FEM1A: variants seen among roughly 807,000 people sequenced by gnomAD.
FEM1A encodes the protein fem-1 homolog A, also known as protein fem-1 homolog A.
In FEM1A, 1 loss-of-function variant was observed where a neutral mutation model predicts 0.7. That is an observed-to-expected ratio of 1.35 (90% CI 0.48 to 6.40). The LOEUF (loss-of-function observed/expected upper bound fraction) is 6.40, where lower values mean the gene tolerates loss of function less well. Ranked by LOEUF, FEM1A falls within the 30% of genes most tolerant of loss-of-function variation. The pLI is 0.14. For synonymous variants in FEM1A, 391 were observed against 420.6 expected, an observed-to-expected ratio of 0.93 and a Z score of 0.86; for missense variants, 721 against 918.7, an observed-to-expected ratio of 0.78 and a Z score of 2.78.
In FEM1A at chr19:4,794,005, T is replaced by G; in HGVS notation, c.*141T>G. 4.8e-6 allele frequency: 4 copies of G among 841,784 alleles called. No individual in the cohort carries two copies. The highest frequency in any genetic ancestry group is 7.4e-6 in the Non-Finnish European group (4 of 540,594). The allele number at this position is 841,784 out of a possible 1,614,324, so 52.1% of individuals were successfully genotyped here. On this transcript the variant is annotated 3_prime_UTR_variant, in exon 1 of 1. Transcript: ENST00000269856. ...GGTTCTGCCTCCCATCCCCTCTACC[T>G]GCAGACAGGGTCGGAGGTGTTAGCG...
Position 4,793,680 on chromosome 19 carries a change from C to T in FEM1A, c.1826C>T (p.Ala609Val), listed in dbSNP as rs1182530964. The change falls in exon 1 of 1, where the codon GCC becomes GTC. Residue 609 changes from alanine to valine, a missense_variant. Physicochemically the swap from Ala to Val is moderately conservative, Grantham distance 64. Transcript: ENST00000269856. This position sits in a 1 kb window ranked among gnomAD's most constrained non-coding sequence, Gnocchi z 5.1. Reference protein sequence around the residue: ...ALIEAGAHMDATNAFKKTAYE... With the variant: ...ALIEAGAHMDVTNAFKKTAYE... ...ATCGAAGCAGGGGCCCACATGGACGCCACCAATGCCTTCAAGAAGACGGCC... is the reference window on the plus strand; with the variant it reads ...ATCGAAGCAGGGGCCCACATGGACGTCACCAATGCCTTCAAGAAGACGGCC... 1 of 1,613,014 alleles carries T rather than the reference C, an allele frequency of 6.2e-7. No individual in the cohort carries two copies.
In FEM1A at chr19:4,793,306, G is replaced by T. The variant is rs2093556981; in HGVS notation, c.1452G>T (p.Glu484Asp). ...EVERALQLPREPGDSAQFTKA... is the reference protein window; with the variant it reads ...EVERALQLPRDPGDSAQFTKA... ...AACGGGCCCTGCAGCTGCCCAGGGA[G>T]CCCGGAGACTCAGCCCAGTTCACCA... The change falls in exon 1 of 1, where the codon GAG (glutamate) becomes GAT (aspartate). Residue 484 changes from glutamate (E) to aspartate (D), a missense_variant. By Grantham distance (45) the Glu-to-Asp change is conservative. Transcript: ENST00000269856. This position sits in a 1 kb window ranked among gnomAD's most constrained non-coding sequence, Gnocchi z 5.1. 1 of 1,612,906 alleles carries T rather than the reference G, an allele frequency of 6.2e-7. No individual in the cohort carries two copies.
rs2093559074 is a variant in FEM1A, at chr19:4,794,671, A to G, written c.*807A>G. The G allele has an allele frequency of 6.0e-6, 1 of 166,966 alleles. No homozygotes were observed. The highest frequency in any genetic ancestry group is 6.6e-5 in the Admixed American group (1 of 15,258). 10.3% of individuals were successfully genotyped at this position (166,966 alleles called of 1,614,324 possible). A position where few individuals can be genotyped will look rare whatever the true frequency, so the allele number is the denominator to read the frequency against. On this transcript the variant is annotated 3_prime_UTR_variant, in exon 1 of 1. Coordinates refer to ENST00000269856, the MANE Select transcript of FEM1A (RefSeq NM_018708.3). ...GTGTGAGGAATTTGGTGAGCGAGAT[A>G]AAAGTCCACGGTGTCAACCCCTAAA... is the stretch of plus-strand genomic sequence containing the variant.
rs1482300828 is a variant in FEM1A, at chr19:4,791,870, G to A, written c.16G>A (p.Ala6Thr). The change falls in exon 1 of 1, where the codon GCC becomes ACC. Residue 6 changes from alanine (A) to threonine (T), a missense_variant. Around this residue, in one of 4 missense-constraint regions of FEM1A, gnomAD observed 195 missense variants for 316.9 expected, o/e 0.62. Transcript: ENST00000269856. ...GGCCCGAACCATGGACCTCCGCACC[G>A]CCGTGTACAACGCCGCCCGTGATGG... MDLRTAVYNAARDGKL... is the reference protein window; with the variant it reads MDLRTTVYNAARDGKL... The A allele has an allele frequency of 1.8e-5, 28 of 1,516,760 alleles. No homozygotes were observed. The highest frequency in any genetic ancestry group is 2.4e-5 in the South Asian group (2 of 82,308). The allele number at this position is 1,516,760 out of a possible 1,614,324, so 94.0% of individuals were successfully genotyped here.
Position 4,792,662 on chromosome 19 carries a change from G to C in FEM1A, c.808G>C (p.Ala270Pro). 2 of 1,612,118 alleles carry C rather than the reference G, an allele frequency of 1.2e-6. No homozygotes were observed. The highest frequency in any genetic ancestry group is 1.1e-5 in the South Asian group (1 of 91,004). The change falls in exon 1 of 1, where the codon GCT (alanine) becomes CCT (proline). Residue 270 changes from alanine (A) to proline (P), a missense_variant. This residue lies in a region of FEM1A where 137 missense variants were observed against 121.7 expected (regional missense o/e 1.13). Coordinates refer to ENST00000269856, the MANE Select transcript of FEM1A (RefSeq NM_018708.3). This position sits in a 1 kb window ranked among gnomAD's most constrained non-coding sequence, Gnocchi z 6.7. ...CCAGGGGTGTGCGCAGCCTCAGGGGGCTCCGTGCTGCAGCTCCTCCCCAGA... is the reference window on the plus strand; with the variant it reads ...CCAGGGGTGTGCGCAGCCTCAGGGGCCTCCGTGCTGCAGCTCCTCCCCAGA... The part of the protein sequence containing the change: ...TSQGCAQPQG[A>P]PCCSSSPEEP...
At position 4,797,811 on chromosome 19, in the gene FEM1A, T is replaced by C. The variant is rs1371784224; in HGVS notation, c.*3947T>C. On this transcript the variant is annotated 3_prime_UTR_variant, in exon 1 of 1. Coordinates refer to ENST00000269856, the MANE Select transcript of FEM1A (RefSeq NM_018708.3). ...AAAAAATTAGCCATGTGTAGTGATA[T>C]GTAGTCCCAGCTGCTACTGGGGAGG... is the stretch of plus-strand genomic sequence containing the variant. 7 of 147,802 alleles carry C rather than the reference T, an allele frequency of 4.7e-5. No individual in the cohort carries two copies. The highest frequency in any genetic ancestry group is 8.9e-5 in the Non-Finnish European group (6 of 67,508). 9.2% of individuals were successfully genotyped at this position (147,802 alleles called of 1,614,324 possible). A position where few individuals can be genotyped will look rare whatever the true frequency, so the allele number is the denominator to read the frequency against.
rs2093557439 is a variant in FEM1A at position 4,793,577 on chromosome 19, G to A, written c.1723G>A (p.Asp575Asn). 1 of 1,612,792 alleles carries A rather than the reference G, an allele frequency of 6.2e-7. No individual in the cohort carries two copies. The highest frequency in any genetic ancestry group is 1.3e-5 in the African/African-American group (1 of 74,896). The change falls in exon 1 of 1, where the codon GAC (aspartate) becomes AAC (asparagine). Residue 575 changes from aspartate (D) to asparagine (N), a missense_variant. By Grantham distance (23) the Asp-to-Asn change is conservative (BLOSUM62 1). This residue lies in a region of FEM1A where 379 missense variants were observed against 454.8 expected (regional missense o/e 0.83). Transcript: ENST00000269856. The surrounding 1 kb of genome is among the most constrained non-coding windows in gnomAD (Gnocchi z 5.1). ...KVLLDCGADP[D>N]SRDFDNNTPL... ...GCTGCTCGACTGCGGGGCCGACCCGGACAGCAGGGATTTTGACAACAACAC... is the reference window on the plus strand; with the variant it reads ...GCTGCTCGACTGCGGGGCCGACCCGAACAGCAGGGATTTTGACAACAACAC...
rs765475820 is a variant in FEM1A at position 4,791,970 on chromosome 19, C to T, written c.116C>T (p.Ala39Val). ...CTGGACGAGCTGACGGGCGAGGTGG[C>T]CGGCGGGGGAACGCCGCTACTCATC... ...EELDELTGEV[A>V]GGGTPLLIAA... is the part of the protein sequence containing the mutation. Residue 39 changes from alanine (A) to valine (V), a missense_variant, in exon 1 of 1, where the codon GCC becomes GTC. Coordinates refer to ENST00000269856, the MANE Select transcript of FEM1A (RefSeq NM_018708.3). The T allele has an allele frequency of 2.6e-6, 4 of 1,532,518 alleles. No individual in the cohort carries two copies. Among genetic ancestry groups the T allele is most frequent in the African/African-American group, 2.8e-5 (2 of 72,444 alleles). The allele number at this position is 1,532,518 out of a possible 1,614,324, so 94.9% of individuals were successfully genotyped here.
Position 4,796,480 on chromosome 19 carries a change from C to T in FEM1A, c.*2616C>T, listed in dbSNP as rs4806997. 73,614 of 152,052 alleles carry T rather than the reference C, an allele frequency of 0.48. 18,355 individuals are homozygous for T. The highest frequency in any genetic ancestry group is 0.58 in the East Asian group (2,995 of 5,162). 9.4% of individuals were successfully genotyped at this position (152,052 alleles called of 1,614,324 possible). On this transcript the variant is annotated 3_prime_UTR_variant, in exon 1 of 1. Transcript: ENST00000269856. The stretch of plus-strand genomic sequence containing the variant: ...CTGGGATTATAGGTGTGAGCCACCA[C>T]GCCTGGCCCTTTTTTGTTTTCCTTT...
In FEM1A at chr19:4,792,346, G is replaced by C; in HGVS notation, c.492G>C (p.Glu164Asp). The C allele has an allele frequency of 6.3e-7, 1 of 1,594,580 alleles. No individual in the cohort carries two copies. Among genetic ancestry groups the C allele is most frequent in the Non-Finnish European group, 8.5e-7 (1 of 1,178,916 alleles). Reference protein sequence around the residue: ...LMISCYKGHREIARYLLEQGA... With the variant: ...LMISCYKGHRDIARYLLEQGA... ...TCTCGTGCTACAAGGGCCACCGTGA[G>C]ATCGCCCGCTACCTGCTGGAGCAGG... The change falls in exon 1 of 1, where the codon GAG (glutamate) becomes GAC (aspartate). Residue 164 changes from glutamate (E) to aspartate (D), a missense_variant. This residue lies in a region of FEM1A where 195 missense variants were observed against 316.9 expected (regional missense o/e 0.62). Coordinates refer to ENST00000269856, the MANE Select transcript of FEM1A (RefSeq NM_018708.3). This position sits in a 1 kb window ranked among gnomAD's most constrained non-coding sequence, Gnocchi z 6.7.
rs2146147936 is a variant in FEM1A at position 4,791,798 on chromosome 19, A to G, written c.-57A>G. 1 of 1,423,740 alleles carries G rather than the reference A, an allele frequency of 7.0e-7. No individual in the cohort carries two copies. The highest frequency in any genetic ancestry group is 1.4e-5 in the South Asian group (1 of 72,244). The allele number at this position is 1,423,740 out of a possible 1,614,324, so 88.2% of individuals were successfully genotyped here. A position where few individuals can be genotyped will look rare whatever the true frequency, so the allele number is the denominator to read the frequency against. On this transcript the variant is annotated 5_prime_UTR_variant, in exon 1 of 1. An upstream open reading frame in the 5' UTR loses its in-frame stop. Transcript: ENST00000269856. Reference sequence around the variant, plus strand: ...TTGCCTCCCGCCCGTCCGGGCTCTGATCCTCCGTCTCCCCGTCCCCCGGCG... The same window carrying G: ...TTGCCTCCCGCCCGTCCGGGCTCTGGTCCTCCGTCTCCCCGTCCCCCGGCG...
Position 4,795,126 on chromosome 19 carries a change from C to T in FEM1A, c.*1262C>T, listed in dbSNP as rs1371558426. Reference sequence around the variant, plus strand: ...GAGGTTTGGACAAAGTCTCAGGTTCCCGTGACTCAGGGTAAGGTGCTGGGG... The same window carrying T: ...GAGGTTTGGACAAAGTCTCAGGTTCTCGTGACTCAGGGTAAGGTGCTGGGG... On this transcript the variant is annotated 3_prime_UTR_variant, in exon 1 of 1. Transcript: ENST00000269856. The T allele has an allele frequency of 3.6e-5, 6 of 167,188 alleles. No homozygotes were observed. In the South Asian group the frequency reaches 1.2e-3, roughly 35 times the overall value. The allele number at this position is 167,188 out of a possible 1,614,324, so 10.4% of individuals were successfully genotyped here. A position where few individuals can be genotyped will look rare whatever the true frequency, so the allele number is the denominator to read the frequency against.
At position 4,792,502 on chromosome 19, in the gene FEM1A, G is replaced by A. The variant is rs1344806617; in HGVS notation, c.648G>A (p.Met216Ile). 2 of 1,598,216 alleles carry A rather than the reference G, an allele frequency of 1.3e-6. No individual in the cohort carries two copies. The highest frequency in any genetic ancestry group is 2.2e-5 in the East Asian group (1 of 44,868). The change falls in exon 1 of 1, where the codon ATG (methionine) becomes ATA (isoleucine). Residue 216 changes from methionine to isoleucine, a missense_variant. Physicochemically the swap from Met to Ile is conservative, Grantham distance 10. Around this residue, in one of 4 missense-constraint regions of FEM1A, gnomAD observed 137 missense variants for 121.7 expected, o/e 1.13. Transcript: ENST00000269856. This position sits in a 1 kb window ranked among gnomAD's most constrained non-coding sequence, Gnocchi z 6.7. Reference sequence around the variant, plus strand: ...GCATGGAACGTGACGGCTACGGCATGACCCCGCTGCTCGCGGCCAGCGTGA... The same window carrying A: ...GCATGGAACGTGACGGCTACGGCATAACCCCGCTGCTCGCGGCCAGCGTGA... ...KARMERDGYG[M>I]TPLLAASVTG... is the part of the protein sequence containing the mutation.
In FEM1A at chr19:4,797,509, A is replaced by G. The variant is rs907736120; in HGVS notation, c.*3645A>G. On this transcript the variant is annotated 3_prime_UTR_variant, in exon 1 of 1. Transcript: ENST00000269856. ...AGTTTCAGGTGAGGGCTGATCCAGC[A>G]GATCCCAATTATTCCTAAAGACCTG... 1.3e-5 allele frequency: 2 copies of G among 152,068 alleles called. No homozygotes were observed. Among genetic ancestry groups the G allele is most frequent in the Admixed American group, 6.6e-5 (1 of 15,224 alleles). The allele number at this position is 152,068 out of a possible 1,614,324, so 9.4% of individuals were successfully genotyped here.
chr19:4,792,913 G>A lies in FEM1A; in HGVS notation c.1059G>A (p.Glu353=). Residue 353 remains glutamate (E), a synonymous_variant, in exon 1 of 1, where the codon GAG becomes GAA. Coordinates refer to ENST00000269856, the MANE Select transcript of FEM1A (RefSeq NM_018708.3). The surrounding 1 kb of genome is among the most constrained non-coding windows in gnomAD (Gnocchi z 6.7). ...TCCTGGCCTATGACTATTCCAGGGA[G>A]GTCAACACCACCGAGGAGCTGGAGG... ...QLVLAYDYSR[E]VNTTEELEAL... 1 of 1,612,338 alleles carries A rather than the reference G, an allele frequency of 6.2e-7. No homozygotes were observed. The highest frequency in any genetic ancestry group is 8.5e-7 in the Non-Finnish European group (1 of 1,179,824).
Position 4,792,726 on chromosome 19 carries a change from C to G in FEM1A, c.872C>G (p.Pro291Arg). The change falls in exon 1 of 1, where the codon CCC becomes CGC. Residue 291 changes from proline to arginine, a missense_variant. This residue lies in a region of FEM1A where 137 missense variants were observed against 121.7 expected (regional missense o/e 1.13). Transcript: ENST00000269856. This position sits in a 1 kb window ranked among gnomAD's most constrained non-coding sequence, Gnocchi z 6.7. ...GGGGAATCTTACGAAAGCTGCTGTCCCACCAGCCGGGAAGCTGCCGTGGAA... is the reference window on the plus strand; with the variant it reads ...GGGGAATCTTACGAAAGCTGCTGTCGCACCAGCCGGGAAGCTGCCGTGGAA... ...LNGESYESCC[P>R]TSREAAVEAL... The G allele has an allele frequency of 6.2e-7, 1 of 1,612,078 alleles. No homozygotes were observed. The highest frequency in any genetic ancestry group is 8.5e-7 in the Non-Finnish European group (1 of 1,179,878).
At position 4,798,786 on chromosome 19, in the gene FEM1A, T is replaced by A. The variant is rs2093564738; in HGVS notation, c.*4922T>A. 6.6e-6 allele frequency: 1 copy of A among 152,088 alleles called. No individual in the cohort carries two copies. Among genetic ancestry groups the A allele is most frequent in the Non-Finnish European group, 1.5e-5 (1 of 68,042 alleles). The allele number at this position is 152,088 out of a possible 1,614,324, so 9.4% of individuals were successfully genotyped here. ...TGTTGTTTTGGCACAAGCTCTCCCA[T>A]CCCTGGGGCAGGTGGCCATCCTGCC... On this transcript the variant is annotated 3_prime_UTR_variant, in exon 1 of 1. Transcript: ENST00000269856.
Position 4,791,807 on chromosome 19 carries a change from C to T in FEM1A, c.-48C>T. ...GCCCGTCCGGGCTCTGATCCTCCGT[C>T]TCCCCGTCCCCCGGCGGCCGGCCCA... is the stretch of plus-strand genomic sequence containing the variant. On this transcript the variant is annotated 5_prime_UTR_variant, in exon 1 of 1. Transcript: ENST00000269856. The T allele has an allele frequency of 7.0e-7, 1 of 1,437,310 alleles. No homozygotes were observed. 89.0% of individuals were successfully genotyped at this position (1,437,310 alleles called of 1,614,324 possible).
In FEM1A at chr19:4,791,911, C is replaced by G; in HGVS notation, c.57C>G (p.Leu19=). ...CCCGTGATGGCAAGCTGCAGCTGCT[C>G]CAGAAGCTGCTCAGCGGCCGGAGCC... The part of the protein sequence containing the change: ...NAARDGKLQL[L]QKLLSGRSRE... The change falls in exon 1 of 1, where the codon CTC becomes CTG. Residue 19 remains leucine, a synonymous_variant. Transcript: ENST00000269856. 1 of 1,525,096 alleles carries G rather than the reference C, an allele frequency of 6.6e-7. No homozygotes were observed. The highest frequency in any genetic ancestry group is 8.7e-7 in the Non-Finnish European group (1 of 1,143,030). The allele number at this position is 1,525,096 out of a possible 1,614,324, so 94.5% of individuals were successfully genotyped here.
Sources: gnomAD v4.1 joint callset for allele counts on GRCh38, gnomAD v4.1.1 for gene constraint, gnomAD v4.1.1 regional missense constraint, Gnocchi (gnomAD v3.1) non-coding constraint, MANE v1.5 for transcripts, NCBI Gene and HGNC (gene_info 2026-07-23, HGNC 2026-07-21) for gene names.